Variants in VPS13C observed in about 807,000 individuals in gnomAD.
The protein encoded by VPS13C is vacuolar protein sorting 13 homolog C.
In VPS13C, 358 loss-of-function variants were observed where a neutral mutation model predicts 456.8. The ratio of observed to expected loss-of-function variants is 0.78; its 90% CI spans 0.72 to 0.86. The LOEUF (loss-of-function observed/expected upper bound fraction) is 0.86. VPS13C is among the 40% of genes least tolerant of loss of function. VPS13C has a pLI of 0.00. For missense variants in VPS13C, 4,818 were observed against 4,385.4 expected (o/e 1.10, Z -2.79); for synonymous variants, 1,578 against 1,486.7 (o/e 1.06, Z -1.41).
chr15:61,926,620 T>G (rs189100713), intron 52 of VPS13C, among the ~76,000 whole-genome samples: 178 of 152,342 alleles, frequency 1.2e-3, no homozygotes, highest in Non-Finnish European at 1.9e-3. Context: ...TAGAAAATAA[T>G]TGGTGTGGTA....
intron 62 of VPS13C, among the ~76,000 whole-genome samples, chr15:61,912,631 A>G (rs1596322818): frequency 7.9e-6 from 1 of 126,354 alleles, no homozygotes; most frequent in East Asian, 2.2e-4. Flanking sequence ...ACACTTTAGG[A>G]GCCAACTTGT....
intron 75 of VPS13C, 32 bp from the exon 76 acceptor site, chr15:61,875,877 TC>T (rs756779340): frequency 7.4e-7 from 1 of 1,350,296 alleles, no homozygotes; most frequent in South Asian, 1.3e-5. Context: ...ATTAAGTCCT[TC>T]ACAACTATTG....
chr15:61,902,691 G>T (rs571079571), intron 66 of VPS13C, among the ~76,000 whole-genome samples: 39 of 152,128 alleles, frequency 2.6e-4, no homozygotes, highest in African/African-American at 8.7e-4. Flanking sequence ...CAGAAGGAAC[G>T]TATCTCAAAA....
At chr15:61,886,831 A>G (rs1026155315) in intron 67 of VPS13C, among the ~76,000 whole-genome samples, 5 of 152,224 alleles carry the variant, frequency 3.3e-5, no homozygotes, top group African/African-American at 9.6e-5. Context: ...CAATGAAGGC[A>G]CTGAATAAAA....
chr15:62,040,616 T>C (rs777616330), intron 3 of VPS13C, among the ~76,000 whole-genome samples: 15 of 152,038 alleles, frequency 9.9e-5, no homozygotes, highest in Non-Finnish European at 2.2e-4. Flanking sequence ...AAGTTCAATA[T>C]CTGAGTGACA....
At position 61,983,829 on chromosome 15, in the gene VPS13C, G is replaced by C. The variant is rs764680317; in HGVS notation, c.1905C>G (p.Ile635Met). Reference sequence around the variant, plus strand: ...TTCTCCTTGCACTTACAGCATCATAGATGACCTCCACAGGCTGGGACTGAA... The same window carrying C: ...TTCTCCTTGCACTTACAGCATCATACATGACCTCCACAGGCTGGGACTGAA... The part of the protein sequence containing the change: ...LIVQSQPVEV[I>M]YDAKTVNAVV... The change falls in exon 20 of 85, where the codon ATC becomes ATG. Residue 635 changes from isoleucine to methionine, a missense_variant. Ile to Met is a conservative substitution (Grantham distance 10). Coordinates refer to ENST00000644861, the MANE Select transcript of VPS13C (RefSeq NM_020821.3). 6.2e-7 allele frequency: 1 copy of C among 1,613,820 alleles called. No individual in the cohort carries two copies. The highest frequency in any genetic ancestry group is 1.7e-5 in the Admixed American group (1 of 60,004).
chr15:61,868,050 G>A lies in VPS13C; in HGVS notation c.10863+609C>T, dbSNP rs143189856. 1,514 of 790,780 alleles carry A rather than the reference G, an allele frequency of 1.9e-3. 15 individuals carry two copies. The African/African-American group carries it at 0.024, about 13-fold the overall frequency. The allele number at this position is 790,780 out of a possible 1,614,324, so 49.0% of individuals were successfully genotyped here. A position where few individuals can be genotyped will look rare whatever the true frequency, so the allele number is the denominator to read the frequency against. On this transcript the variant is annotated intron_variant, in intron 81 of 84. Coordinates refer to ENST00000644861, the MANE Select transcript of VPS13C (RefSeq NM_020821.3). ...AAACCAAAGGAAGAACAATTAAGAG[G>A]CATTTTATTTTAAAGTCAAGGTAGA...
intron 9 of VPS13C, among the ~76,000 whole-genome samples, chr15:62,017,171 G>T (rs1421671307): frequency 6.6e-6 from 1 of 152,100 alleles, no homozygotes; most frequent in African/African-American, 2.4e-5. Flanking sequence ...GTTCTTTGTA[G>T]ATTCTGGATA....
In VPS13C at chr15:61,973,509, T is replaced by G; in HGVS notation, c.2562A>C (p.Ser854=). 1 of 1,612,488 alleles carries G rather than the reference T, an allele frequency of 6.2e-7. No individual in the cohort carries two copies. Among genetic ancestry groups the G allele is most frequent in the South Asian group, 1.1e-5 (1 of 91,018 alleles). ...ERQVSSIPII[S]GGTKGLLGTS... ...TACCAAGTAGACCTTTTGTACCACC[T>G]GAAATAATAGGAATTGAGGATACCT... Residue 854 remains serine, a synonymous_variant, in exon 26 of 85, where the codon TCA becomes TCC. Coordinates refer to ENST00000644861, the MANE Select transcript of VPS13C (RefSeq NM_020821.3).
intron 67 of VPS13C, among the ~76,000 whole-genome samples, chr15:61,885,974 T>G (rs757966982): frequency 1.3e-5 from 2 of 152,170 alleles, no homozygotes; most frequent in East Asian, 3.8e-4. Flanking sequence ...CAATATCATT[T>G]GCCTTGTTTT....
chr15:61,943,101 G>A (rs1293464945), intron 45 of VPS13C, among the ~76,000 whole-genome samples: 1 of 152,098 alleles, frequency 6.6e-6, no homozygotes, highest in South Asian at 2.1e-4. Context: ...AGGAAACACT[G>A]CTGAAAGAAA....
intron 53 of VPS13C, among the ~76,000 whole-genome samples, 163 bp downstream of exon 53, chr15:61,925,293 A>G (rs1051068866): frequency 6.6e-6 from 1 of 152,142 alleles, no homozygotes; most frequent in Non-Finnish European, 1.5e-5. Flanking sequence ...ATTTGCATTA[A>G]AGAAAAATAT....
intron 19 of VPS13C, 75 bp from the exon 20 acceptor site, chr15:61,984,087 CT>C (rs1297468453): frequency 1.1e-5 from 16 of 1,401,128 alleles, no homozygotes; most frequent in Non-Finnish European, 1.3e-5. Flanking sequence ...TACAAATTTC[CT>C]TTTAAAAACG....
At position 61,951,856 on chromosome 15, in the gene VPS13C, T is replaced by C. The variant is rs748992078; in HGVS notation, c.4424A>G (p.Lys1475Arg). 10 of 1,612,632 alleles carry C rather than the reference T, an allele frequency of 6.2e-6. No homozygotes were observed. The Admixed American group carries it at 1.7e-4, about 27-fold the overall frequency. Residue 1475 changes from lysine to arginine, a missense_variant, in exon 39 of 85, where the codon AAA (lysine) becomes AGA (arginine). Coordinates refer to ENST00000644861, the MANE Select transcript of VPS13C (RefSeq NM_020821.3). ...TYDMTAKAYL[K>R]KISMQCFDFT... The stretch of plus-strand genomic sequence containing the variant: ...ATCAAAGCACTGCATACTAATTTTT[T>C]TTAGATAAGCTTTAGCAGTCATGTC...
intron 8 of VPS13C, among the ~76,000 whole-genome samples, chr15:62,021,746 T>A (rs1187902812): frequency 6.6e-6 from 1 of 151,892 alleles, no homozygotes; most frequent in Non-Finnish European, 1.5e-5. Context: ...ATACAATGAT[T>A]TGTGGCAAAA....
chr15:62,021,889 A>G (rs1248642199), intron 8 of VPS13C, among the ~76,000 whole-genome samples: 4 of 151,928 alleles, frequency 2.6e-5, no homozygotes, highest in Non-Finnish European at 5.9e-5. Context: ...CTATCTACAA[A>G]CCACAGCTAT....
intron 15 of VPS13C, among the ~76,000 whole-genome samples, chr15:62,002,730 C>T (rs1048360810): frequency 1.3e-5 from 2 of 152,106 alleles, no homozygotes; most frequent in African/African-American, 4.8e-5. Flanking sequence ...TTTCAGCTTT[C>T]TACATATGGC....
intron 36 of VPS13C, 41 bp from the exon 37 acceptor site, chr15:61,958,757 T>C (rs758447301): frequency 2.4e-5 from 26 of 1,083,688 alleles, no homozygotes; most frequent in Non-Finnish European, 3.2e-5. Context: ...TATTACGTTT[T>C]AAAATGAAAC....
chr15:61,864,820 T>C, intron 81 of VPS13C: 1 of 983,698 alleles, frequency 1.0e-6, no homozygotes, highest in Non-Finnish European at 1.2e-6. Context: ...TGCCTTAATT[T>C]CTTCAAAGAG....
Sources: allele counts gnomAD v4.1 joint callset (sites outside exome capture counted in the v4.1 genomes callset), GRCh38; gene constraint gnomAD v4.1.1; transcripts MANE v1.5; gene names NCBI Gene and HGNC (gene_info 2026-07-23, HGNC 2026-07-21).